PAG1: variants seen among roughly 807,000 people sequenced by gnomAD.
PAG1 encodes phosphoprotein associated with glycosphingolipid-enriched microdomains 1.
Under a neutral mutation model 31.7 loss-of-function variants are expected in PAG1, and 23 were observed. The ratio of observed to expected loss-of-function variants is 0.73; its 90% CI spans 0.52 to 1.03. The LOEUF is 1.03. Ranked by LOEUF, PAG1 falls within the 50% of genes least tolerant of loss-of-function variation. PAG1 has a pLI of 0.00. For missense variants in PAG1, 473 were observed against 540.7 expected (o/e 0.87, Z 1.24); for synonymous variants, 214 against 210.3 (o/e 1.02, Z -0.15).
chr8:80,982,181 T>C (rs1807320821), intron 7 of PAG1, among the ~76,000 whole-genome samples: 1 of 152,176 alleles, frequency 6.6e-6, no homozygotes, highest in South Asian at 2.1e-4. Context: ...CACTTCTTTA[T>C]AGCAAAATCT....
intron 7 of PAG1, among the ~76,000 whole-genome samples, chr8:80,983,993 C>T (rs1368502520): frequency 7.9e-5 from 12 of 152,174 alleles, no homozygotes; most frequent in African/African-American, 2.9e-4. Flanking sequence ...GTTTTTAAGG[C>T]TACTAGTGAC....
At chr8:81,022,865 C>T (rs907406221) in intron 3 of PAG1, among the ~76,000 whole-genome samples, 9 of 152,160 alleles carry the variant, frequency 5.9e-5, no homozygotes, top group Non-Finnish European at 1.0e-4. Context: ...ACATGTTCTT[C>T]AAATCAGCTG....
intron 1 of PAG1, among the ~76,000 whole-genome samples, chr8:81,108,215 C>T (rs932872798): frequency 2.0e-5 from 3 of 152,158 alleles, no homozygotes; most frequent in African/African-American, 7.2e-5. Context: ...GAATAACCAA[C>T]CCAGAGCAGG....
At chr8:81,076,548 ACAAAG>A (rs1809181201) in intron 1 of PAG1, among the ~76,000 whole-genome samples, 1 of 152,256 alleles carries the variant, frequency 6.6e-6, no homozygotes, top group Non-Finnish European at 1.5e-5. Context: ...TGAGGCCAAA[ACAAAG>A]CAAACAACAA....
intron 1 of PAG1, among the ~76,000 whole-genome samples, chr8:81,077,939 T>C (rs1435980087): frequency 2.0e-5 from 3 of 152,122 alleles, no homozygotes; most frequent in Non-Finnish European, 2.9e-5. Flanking sequence ...ATGGTCTTCA[T>C]AAGAGAACAT....
intron 3 of PAG1, among the ~76,000 whole-genome samples, chr8:81,020,930 C>T (rs564193792): frequency 4.6e-5 from 7 of 152,290 alleles, no homozygotes; most frequent in South Asian, 2.1e-4. Context: ...AAACCTGGTT[C>T]GACCCTCTGA....
At chr8:81,017,629 T>G (rs1475025356) in intron 3 of PAG1, among the ~76,000 whole-genome samples, 1 of 152,188 alleles carries the variant, frequency 6.6e-6, no homozygotes, top group East Asian at 1.9e-4. Context: ...AAAATAATCT[T>G]CTTTAAAGAA....
At chr8:81,102,260 GCAC>G (rs1173993722) in intron 1 of PAG1, among the ~76,000 whole-genome samples, 1 of 152,066 alleles carries the variant, frequency 6.6e-6, no homozygotes, top group Non-Finnish European at 1.5e-5. Context: ...CTACTACAAT[GCAC>G]CATGTGTAGT....
At chr8:81,086,131 G>A (rs970166135) in intron 1 of PAG1, among the ~76,000 whole-genome samples, 1 of 150,468 alleles carries the variant, frequency 6.6e-6, no homozygotes, top group East Asian at 2.0e-4. Context: ...ACAGGCGCCC[G>A]CTACCACGCC....
intron 3 of PAG1, among the ~76,000 whole-genome samples, chr8:81,001,470 C>G (rs1055124592): frequency 3.9e-5 from 6 of 152,188 alleles, no homozygotes; most frequent in African/African-American, 1.4e-4. Context: ...CCTACAAAAG[C>G]CTGCTTGCCC....
intron 1 of PAG1, among the ~76,000 whole-genome samples, chr8:81,085,572 T>C (rs914904558): frequency 3.3e-5 from 5 of 152,184 alleles, no homozygotes; most frequent in African/African-American, 1.2e-4. Context: ...AAGAAAATAG[T>C]ACATTACCCT....
rs1233783461 is a variant in PAG1, at chr8:80,973,478, AT to A, written c.*3065del. ...TACAAAATGCTTCTAAACTTTCAAA[AT>A]ATCTGAATAAAAACAAAGATCCTAC... On this transcript the variant is annotated 3_prime_UTR_variant, in exon 9 of 9. Transcript: ENST00000220597. The A allele has an allele frequency of 6.6e-6, 1 of 152,212 alleles. No homozygotes were observed. The highest frequency in any genetic ancestry group is 1.5e-5 in the Non-Finnish European group (1 of 68,030). The allele number at this position is 152,212 out of a possible 1,614,324, so 9.4% of individuals were successfully genotyped here.
intron 2 of PAG1, among the ~76,000 whole-genome samples, chr8:81,059,892 T>C (rs1391220745): frequency 6.6e-6 from 1 of 151,918 alleles, no homozygotes; most frequent in Non-Finnish European, 1.5e-5. Context: ...AGTGCACACC[T>C]GTAATCCCAG....
chr8:80,972,305 T>C lies in PAG1; in HGVS notation c.*4239A>G, dbSNP rs918588565. 3 of 152,182 alleles carry C rather than the reference T, an allele frequency of 2.0e-5. No homozygotes were observed. The highest frequency in any genetic ancestry group is 2.1e-4 in the South Asian group (1 of 4,832). 9.4% of individuals were successfully genotyped at this position (152,182 alleles called of 1,614,324 possible). On this transcript the variant is annotated 3_prime_UTR_variant, in exon 9 of 9. Transcript: ENST00000220597. Reference sequence around the variant, plus strand: ...AGGAGAATGGCATCACAAGATTGCATGGACTCATATTAACTATTACAAGGG... The same window carrying C: ...AGGAGAATGGCATCACAAGATTGCACGGACTCATATTAACTATTACAAGGG...
intron 1 of PAG1, among the ~76,000 whole-genome samples, chr8:81,083,904 G>A (rs1563424581): frequency 1.3e-5 from 2 of 151,994 alleles, no homozygotes; most frequent in African/African-American, 2.4e-5. Flanking sequence ...GCGTGGTGGT[G>A]CATGCCTGTA....
chr8:81,051,119 T>C (rs1309558090), intron 2 of PAG1, among the ~76,000 whole-genome samples: 14 of 152,232 alleles, frequency 9.2e-5, no homozygotes, highest in Non-Finnish European at 1.6e-4. Flanking sequence ...AAGCTGTCTC[T>C]GATACTGAGT....
chr8:81,000,949 C>T lies in PAG1; in HGVS notation c.-80-7642G>A, dbSNP rs533291866. ...CCCTCTCTGCAATGACAATTTCACA[C>T]CTTCTCCAGCTCCTAGGTTCCTCAC... On this transcript the variant is annotated intron_variant, in intron 3 of 8. Coordinates refer to ENST00000220597, the MANE Select transcript of PAG1 (RefSeq NM_018440.4). Among the ~76,000 whole-genome samples the T allele has an allele frequency of 3.3e-5, 5 of 152,352 alleles. No homozygotes were observed. In the South Asian group the frequency reaches 1.0e-3, roughly 32 times the overall value.
At chr8:80,998,133 T>C (rs974810219) in intron 3 of PAG1, among the ~76,000 whole-genome samples, 1 of 149,568 alleles carries the variant, frequency 6.7e-6, no homozygotes, top group Non-Finnish European at 1.5e-5. Flanking sequence ...GTGTCCTTTT[T>C]TTTTTTTTTT....
chr8:81,090,141 T>A (rs1397754147), intron 1 of PAG1, among the ~76,000 whole-genome samples: 1 of 152,200 alleles, frequency 6.6e-6, no homozygotes, highest in Non-Finnish European at 1.5e-5. Flanking sequence ...AATACAGCCA[T>A]GACATGTCCC....
Sources: allele counts gnomAD v4.1 joint callset (sites outside exome capture counted in the v4.1 genomes callset), GRCh38; gene constraint gnomAD v4.1.1; transcripts MANE v1.5; gene names NCBI Gene and HGNC (gene_info 2026-07-23, HGNC 2026-07-21).